The following ZMAT4 variants were observed in gnomAD, a reference collection of about 807,000 sequenced individuals.
ZMAT4 encodes zinc finger matrin-type protein 4.
A neutral mutation model predicts 28.7 loss-of-function variants in ZMAT4; 17 were observed. The observed-to-expected ratio is 0.59, with a 90% CI of 0.41 to 0.89. ZMAT4 has a LOEUF of 0.89. Among genes scored for constraint, ZMAT4 ranks in the 40% least tolerant of loss-of-function variants. ZMAT4 has a pLI of 0.00. For synonymous variants in ZMAT4, 117 were observed against 109.2 expected (o/e 1.07, Z -0.44); for missense variants, 240 against 283.8 (o/e 0.85, Z 1.11).
chr8:40,582,978 G>T (rs1804542999), intron 5 of ZMAT4, among the ~76,000 whole-genome samples: 1 of 152,206 alleles, frequency 6.6e-6, no homozygotes, highest in South Asian at 2.1e-4. Context: ...TCCAGGGGAA[G>T]TGGTCACGAA....
intron 1 of ZMAT4, among the ~76,000 whole-genome samples, chr8:40,831,145 T>A (rs369375854): frequency 1.4e-4 from 21 of 152,286 alleles, no homozygotes; most frequent in African/African-American, 5.1e-4. Context: ...GCTATTATAG[T>A]CTTTCTCTTT....
chr8:40,869,008 A>C (rs1219386786), intron 1 of ZMAT4, among the ~76,000 whole-genome samples: 1 of 152,006 alleles, frequency 6.6e-6, no homozygotes, highest in Non-Finnish European at 1.5e-5. Flanking sequence ...CATTTTCTCT[A>C]CCTGTCCAAC....
intron 3 of ZMAT4, among the ~76,000 whole-genome samples, chr8:40,731,628 AG>A (rs1297454748): frequency 3.3e-5 from 5 of 152,232 alleles, no homozygotes; most frequent in African/African-American, 9.6e-5. Flanking sequence ...CTGCCCCTGA[AG>A]AGCACCTGAT....
At chr8:40,685,938 G>T (rs960849782) in intron 4 of ZMAT4, among the ~76,000 whole-genome samples, 2 of 152,150 alleles carry the variant, frequency 1.3e-5, no homozygotes, top group African/African-American at 2.4e-5. Flanking sequence ...CACGATAGAT[G>T]TTAAAGCTTT....
At chr8:40,552,139 A>G (rs1382829945) in intron 6 of ZMAT4, among the ~76,000 whole-genome samples, 1 of 152,192 alleles carries the variant, frequency 6.6e-6, no homozygotes, top group African/African-American at 2.4e-5. Context: ...AAGATTTCTC[A>G]TAATAGCCCT....
intron 5 of ZMAT4, among the ~76,000 whole-genome samples, chr8:40,636,300 C>T (rs1806790091): frequency 6.6e-6 from 1 of 152,212 alleles, no homozygotes; most frequent in Admixed American, 6.5e-5. Flanking sequence ...ACTGACTTCG[C>T]TGAGCAGTAG....
intron 2 of ZMAT4, chr8:40,808,720 A>C: frequency 3.8e-6 from 1 of 264,328 alleles, no homozygotes; most frequent in Non-Finnish European, 7.7e-6. Context: ...AGGAAGAAAA[A>C]AAAAAGAAAT....
chr8:40,678,424 C>T (rs1253291767), intron 4 of ZMAT4, among the ~76,000 whole-genome samples: 1 of 152,122 alleles, frequency 6.6e-6, no homozygotes, highest in Admixed American at 6.6e-5. Context: ...GCTATTATCC[C>T]ACCAGCCTTT....
At chr8:40,805,223 T>A (rs1432502127) in intron 2 of ZMAT4, among the ~76,000 whole-genome samples, 2 of 150,852 alleles carry the variant, frequency 1.3e-5, no homozygotes, top group African/African-American at 4.9e-5. Flanking sequence ...GAAATGCAAA[T>A]CAAAACCACA....
chr8:40,834,763 CT>C (rs1816415991), intron 1 of ZMAT4, among the ~76,000 whole-genome samples: 1 of 152,206 alleles, frequency 6.6e-6, no homozygotes, highest in South Asian at 2.1e-4. Context: ...GGAACATCTC[CT>C]TACCCTGTAG....
intron 5 of ZMAT4, among the ~76,000 whole-genome samples, chr8:40,671,547 C>A (rs529174829): frequency 6.6e-6 from 1 of 152,202 alleles, no homozygotes; most frequent in Admixed American, 6.5e-5. Flanking sequence ...ATGTGTGATC[C>A]ACAATAAGCC....
intron 1 of ZMAT4, among the ~76,000 whole-genome samples, chr8:40,859,960 T>C (rs1366688238): frequency 1.3e-5 from 2 of 152,196 alleles, no homozygotes; most frequent in African/African-American, 4.8e-5. Flanking sequence ...GAAGAGATTG[T>C]TAACTCTATT....
At chr8:40,691,588 T>C (rs768609047) in intron 4 of ZMAT4, among the ~76,000 whole-genome samples, 6 of 152,158 alleles carry the variant, frequency 3.9e-5, no homozygotes, top group Non-Finnish European at 8.8e-5. Context: ...GAGTTACAAA[T>C]AAATCACAGT....
At chr8:40,717,786 G>T (rs2150513714) in intron 3 of ZMAT4, among the ~76,000 whole-genome samples, 1 of 151,996 alleles carries the variant, frequency 6.6e-6, no homozygotes, top group East Asian at 1.9e-4. Flanking sequence ...CTGTCAATAG[G>T]AACCTACTTT....
chr8:40,534,830 G>A (rs1014686780), intron 6 of ZMAT4, among the ~76,000 whole-genome samples: 12 of 151,790 alleles, frequency 7.9e-5, no homozygotes, highest in African/African-American at 1.7e-4. Flanking sequence ...TTACAGCCAC[G>A]TGCTACCACA....
chr8:40,570,572 C>T lies in ZMAT4; in HGVS notation c.674+10593G>A, dbSNP rs569867860. On this transcript the variant is annotated intron_variant, in intron 6 of 6. Transcript: ENST00000297737. ...AAAGTTAGCCAGGTGTGCTGATGTGCGCCTGAAGTCCCAGCTACTCCAGAG... is the reference window on the plus strand; with the variant it reads ...AAAGTTAGCCAGGTGTGCTGATGTGTGCCTGAAGTCCCAGCTACTCCAGAG... Among the ~76,000 whole-genome samples the T allele has an allele frequency of 6.6e-5, 10 of 152,050 alleles. 1 individual carries two copies. The highest frequency in any genetic ancestry group is 2.2e-4 in the African/African-American group (9 of 41,514).
intron 1 of ZMAT4, among the ~76,000 whole-genome samples, chr8:40,847,623 C>G (rs958623609): frequency 1.3e-5 from 2 of 152,190 alleles, no homozygotes; most frequent in Non-Finnish European, 2.9e-5. Flanking sequence ...ATTATCATGG[C>G]CCTTAGGCTT....
rs117184687 is a variant in ZMAT4, at chr8:40,843,555, G to A, written c.-4-17875C>T. Among the ~76,000 whole-genome samples the A allele has an allele frequency of 2.9e-3, 441 of 152,262 alleles. 2 individuals are homozygous for A. The highest frequency in any genetic ancestry group is 4.7e-3 in the Non-Finnish European group (322 of 68,028). On this transcript the variant is annotated intron_variant, in intron 1 of 6. Coordinates refer to ENST00000297737, the MANE Select transcript of ZMAT4 (RefSeq NM_024645.3). ...CCACTGGACTAAAATCTCTTCTCTG[G>A]TCTTTCTAAAGCAGCAGCAGCAAGC...
intron 2 of ZMAT4, among the ~76,000 whole-genome samples, chr8:40,804,246 G>A (rs1563495648): frequency 6.6e-6 from 1 of 152,180 alleles, no homozygotes; most frequent in East Asian, 1.9e-4. Context: ...GAGTGATAAT[G>A]ATGTAAGTCA....
Sources: gnomAD v4.1 joint callset for allele counts (sites outside exome capture counted in the v4.1 genomes callset) on GRCh38, gnomAD v4.1.1 for gene constraint, MANE v1.5 for transcripts, NCBI Gene and HGNC (gene_info 2026-07-23, HGNC 2026-07-21) for gene names.